The following PIN4 variants were observed in gnomAD, a reference collection of about 807,000 sequenced individuals.
PIN4 encodes peptidyl-prolyl cis-trans isomerase NIMA-interacting 4.
In PIN4, 3 loss-of-function variants were observed where a neutral mutation model predicts 8.3. That is an observed-to-expected ratio of 0.36 (90% CI 0.16 to 0.93). PIN4 has a LOEUF of 0.93. Among genes scored for constraint, PIN4 ranks in the 40% least tolerant of loss-of-function variants. The probability of loss-of-function intolerance (pLI) is 0.44; values close to 1 mark genes in which losing one functional copy is unlikely to be tolerated. For synonymous variants in PIN4, 18 were observed against 32.5 expected (o/e 0.55, Z 1.52); for missense variants, 75 against 100.6 (o/e 0.75, Z 1.09).
intron 3 of PIN4, among the ~76,000 whole-genome samples, chrX:72,257,216 G>A (rs1353984922): frequency 1.8e-5 from 2 of 111,936 alleles, no homozygotes; most frequent in Non-Finnish European, 3.8e-5. Flanking sequence ...AGCTACTCTG[G>A]AGGCTGAGGC....
chrX:72,229,595 G>A (rs1184591714), intron 3 of PIN4, among the ~76,000 whole-genome samples: 1 of 111,525 alleles, frequency 9.0e-6, no homozygotes, highest in Non-Finnish European at 1.9e-5. Flanking sequence ...ACAAAGGCCT[G>A]TTCTTTTTGT....
At chrX:72,210,609 T>C (rs1303173734) in intron 3 of PIN4, among the ~76,000 whole-genome samples, 1 of 111,640 alleles carries the variant, frequency 9.0e-6, no homozygotes, top group Non-Finnish European at 1.9e-5. Flanking sequence ...TCCCAGAGAC[T>C]AAAGTGCTGT....
intron 2 of PIN4, among the ~76,000 whole-genome samples, chrX:72,195,625 A>G (rs1303055461): frequency 9.1e-6 from 1 of 110,403 alleles, no homozygotes; most frequent in Non-Finnish European, 1.9e-5. Flanking sequence ...TGGGCAACAG[A>G]CGGAGACTCT....
chrX:72,225,428 A>G, intron 3 of PIN4, among the ~76,000 whole-genome samples: 1 of 111,835 alleles, frequency 8.9e-6, no homozygotes, highest in Middle Eastern at 4.6e-3. Context: ...CCAGGCTTTT[A>G]CATTTTTTGT....
chrX:72,190,952 C>CA lies in PIN4; in HGVS notation c.117+4434dup, dbSNP rs764925791. 6.7e-3 allele frequency among the ~76,000 whole-genome samples: 411 copies of CA among 60,906 alleles called. 5 individuals are homozygous for CA. The highest frequency in any genetic ancestry group is 0.012 in the African/African-American group (203 of 16,391). The allele number at this position is 60,906 out of a possible 115,157, so 52.9% of individuals were successfully genotyped here. ...TGGGCAACAGAGCGAGACTCCATCT[C>CA]AAAAAAAAAAAAAAAAGCTCCCCAG... On this transcript the variant is annotated intron_variant, in intron 2 of 3. Transcript: ENST00000373669.
chrX:72,213,426 C>T (rs755634038), intron 3 of PIN4, among the ~76,000 whole-genome samples: 2 of 111,705 alleles, frequency 1.8e-5, no homozygotes, highest in East Asian at 5.6e-4. Flanking sequence ...GAGGGGCAAC[C>T]TCGTCTGGGT....
chrX:72,182,543 C>CA lies in PIN4; in HGVS notation c.43+727dup, dbSNP rs796279342. ...TGGGCGACAGAGCGAGCCTCTGTCT[C>CA]AAAAAAAAAAAAGAGATTTTGGCCT... On this transcript the variant is annotated intron_variant, in intron 1 of 3. Coordinates refer to ENST00000373669, the MANE Select transcript of PIN4 (RefSeq NM_006223.4). Among the ~76,000 whole-genome samples, 880 of 89,674 alleles carry CA rather than the reference C, an allele frequency of 9.8e-3. 6 individuals carry two copies. The highest frequency in any genetic ancestry group is 0.028 in the South Asian group (54 of 1,957). The allele number at this position is 89,674 out of a possible 115,157, so 77.9% of individuals were successfully genotyped here.
intron 2 of PIN4, among the ~76,000 whole-genome samples, 188 bp from the exon 3 acceptor site, chrX:72,196,597 C>CT (rs933617679): frequency 9.1e-6 from 1 of 109,656 alleles, no homozygotes; most frequent in East Asian, 2.8e-4. Context: ...AATCAGGACT[C>CT]TGAGACATTG....
At chrX:72,213,782 A>G (rs931901024) in intron 3 of PIN4, among the ~76,000 whole-genome samples, 2 of 111,263 alleles carry the variant, frequency 1.8e-5, no homozygotes, top group Non-Finnish European at 3.8e-5. Context: ...GAGCTATAAC[A>G]CTCACCATGT....
At chrX:72,262,948 A>G in exon 4 of PIN4, 2 of 395,852 alleles carry the variant, frequency 5.1e-6, no homozygotes, top group Non-Finnish European at 8.8e-6. Context: ...AGAAAGTACA[A>G]GGTGTGCTTG....
chrX:72,198,322 A>G lies in PIN4; in HGVS notation c.*796A>G. 1 of 733,444 alleles carries G rather than the reference A, an allele frequency of 1.4e-6. No homozygotes were observed. Among genetic ancestry groups the G allele is most frequent in the African/African-American group, 2.3e-5 (1 of 43,619 alleles). The allele number at this position is 733,444 out of a possible 1,213,427, so 60.4% of individuals were successfully genotyped here. On this transcript the variant is annotated 3_prime_UTR_variant, in exon 4 of 4. Coordinates refer to ENST00000373669, the MANE Select transcript of PIN4 (RefSeq NM_006223.4). Reference sequence around the variant, plus strand: ...ATATAAATACTATACTGCTTCAAAAATAAAACTTTGCCAACACAGCTATGT... The same window carrying G: ...ATATAAATACTATACTGCTTCAAAAGTAAAACTTTGCCAACACAGCTATGT...
chrX:72,248,729 T>C (rs2043076610), intron 3 of PIN4, among the ~76,000 whole-genome samples: 1 of 110,815 alleles, frequency 9.0e-6, no homozygotes, highest in Non-Finnish European at 1.9e-5. Context: ...ATACAAAAAT[T>C]AGCCAGGCGT....
chrX:72,231,881 C>A (rs969889985), intron 3 of PIN4, among the ~76,000 whole-genome samples: 1 of 111,589 alleles, frequency 9.0e-6, no homozygotes, highest in Non-Finnish European at 1.9e-5. Flanking sequence ...ATTGAAACAT[C>A]ACATTGTACC....
chrX:72,206,498 G>A, intron 3 of PIN4: 1 of 1,211,653 alleles, frequency 8.3e-7, no homozygotes. Context: ...GTACTTAGAA[G>A]AGGTGAAGGC....
intron 3 of PIN4, among the ~76,000 whole-genome samples, chrX:72,220,150 G>C (rs4825951): frequency 0.3 from 32,361 of 108,938 alleles, 3,982 homozygotes; most frequent in East Asian, 0.5. Context: ...TTAGTTTTTA[G>C]GCATGTTAAA....
rs762834270 is a variant in PIN4 at position 72,207,313 on chromosome X, G to A, written c.312+10409G>A. The stretch of plus-strand genomic sequence containing the variant: ...TTCAATGATGTTTAGAATTTGCCTC[G>A]ATTGAGAAAACACCAGAGTTTGATG... On this transcript the variant is annotated intron_variant, in intron 3 of 3. Transcript: ENST00000423432. The A allele has an allele frequency of 2.9e-5, 35 of 1,208,985 alleles. No homozygotes were observed. The Middle Eastern group carries it at 6.9e-4, about 24-fold the overall frequency.
chrX:72,192,910 A>G (rs192658572), intron 2 of PIN4, among the ~76,000 whole-genome samples: 1 of 110,963 alleles, frequency 9.0e-6, no homozygotes, highest in Non-Finnish European at 1.9e-5. Flanking sequence ...TTTTTATTAC[A>G]CTTTTTGAGT....
chrX:72,223,679 C>T (rs1010449196), intron 3 of PIN4, among the ~76,000 whole-genome samples: 1 of 111,565 alleles, frequency 9.0e-6, no homozygotes, highest in African/African-American at 3.3e-5. Context: ...GTGTCTTTAA[C>T]AACAGAGACA....
chrX:72,218,366 C>T (rs2042899309), intron 3 of PIN4, among the ~76,000 whole-genome samples: 1 of 110,803 alleles, frequency 9.0e-6, no homozygotes, highest in Non-Finnish European at 1.9e-5. Flanking sequence ...TCTCAGTCAC[C>T]TGAGTAGCTG....
Sources: gnomAD v4.1 joint callset for allele counts (sites outside exome capture counted in the v4.1 genomes callset) on GRCh38, gnomAD v4.1.1 for gene constraint, MANE v1.5 for transcripts, NCBI Gene and HGNC (gene_info 2026-07-23, HGNC 2026-07-21) for gene names.